The following TBCD variants were observed in gnomAD, a reference collection of about 807,000 sequenced individuals.
The protein encoded by TBCD is tubulin folding cofactor D.
In TBCD, 105 loss-of-function variants were observed where a neutral mutation model predicts 169.3. The observed-to-expected ratio is 0.62, with a 90% CI of 0.53 to 0.73. The LOEUF is 0.73. Ranked by LOEUF, TBCD falls within the 30% of genes least tolerant of loss-of-function variation. The pLI, the probability that TBCD is intolerant of heterozygous loss-of-function variation, is 0.00. For missense variants in TBCD, 1,444 were observed against 1,600.1 expected, an observed-to-expected ratio of 0.90 and a Z score of 1.66; for synonymous variants, 700 against 643.9, an observed-to-expected ratio of 1.09 and a Z score of -1.32.
intron 13 of TBCD, among the ~76,000 whole-genome samples, chr17:82,845,389 C>G (rs1022403974): frequency 6.6e-6 from 1 of 150,378 alleles, no homozygotes; most frequent in Non-Finnish European, 1.5e-5. Flanking sequence ...GCCCCTTCCT[C>G]TCCGTCCTGT....
chr17:82,810,260 C>T (rs985049888), intron 12 of TBCD, among the ~76,000 whole-genome samples: 5 of 152,178 alleles, frequency 3.3e-5, no homozygotes, highest in African/African-American at 1.2e-4. Context: ...AATTCAAGAC[C>T]AGCCTGGGCA....
intron 6 of TBCD, among the ~76,000 whole-genome samples, chr17:82,779,816 T>G (rs1426270315): frequency 6.6e-6 from 1 of 152,002 alleles, no homozygotes; most frequent in Non-Finnish European, 1.5e-5. Context: ...CAGCTCCAGC[T>G]TCCACGTCTC....
rs552115042 is a variant in TBCD at position 82,841,615 on chromosome 17, A to G, written c.1318+26681A>G. Among the ~76,000 whole-genome samples, 75 of 152,328 alleles carry G rather than the reference A, an allele frequency of 4.9e-4. 1 individual carries two copies. In the Middle Eastern group the frequency reaches 0.01, roughly 21 times the overall value. The stretch of plus-strand genomic sequence containing the variant: ...CAAAAAGAGTTATGTAAGTCTTATG[A>G]CAAAAAACAGCAGTTCCCTGTCCCT... On this transcript the variant is annotated intron_variant, in intron 13 of 38. Coordinates refer to ENST00000355528, the MANE Select transcript of TBCD (RefSeq NM_005993.5).
chr17:82,930,730 G>T lies in TBCD; in HGVS notation c.3113+87G>T, dbSNP rs777741578. 3.8e-5 allele frequency: 60 copies of T among 1,586,378 alleles called. No individual in the cohort carries two copies. Among genetic ancestry groups the T allele is most frequent in the Non-Finnish European group, 5.0e-5 (58 of 1,165,526 alleles). On this transcript the variant is annotated intron_variant, in intron 33 of 38. Coordinates refer to ENST00000355528, the MANE Select transcript of TBCD (RefSeq NM_005993.5). The surrounding 1 kb of genome is among the most constrained non-coding windows in gnomAD (Gnocchi z 5.2). ...CCACAGATTCCCGGGGTCTCGCAGGGTCTGTCTGGGGTCTGAAGGGAGAAG... is the reference window on the plus strand; with the variant it reads ...CCACAGATTCCCGGGGTCTCGCAGGTTCTGTCTGGGGTCTGAAGGGAGAAG...
At chr17:82,937,009 G>A (rs553873150) in intron 34 of TBCD, among the ~76,000 whole-genome samples, 36 of 152,284 alleles carry the variant, frequency 2.4e-4, no homozygotes, top group Middle Eastern at 3.4e-3. Flanking sequence ...GTGGGGCCCC[G>A]TGGGGGCTGC....
chr17:82,917,019 C>CTTTTTTTTTTTTTTTTTTTTTTTTT (rs59331670), intron 23 of TBCD, among the ~76,000 whole-genome samples: 1 of 108,518 alleles, frequency 9.2e-6, no homozygotes, highest in Non-Finnish European at 1.8e-5. Flanking sequence ...TTTTTCTTTT[C>CTTTTTTTTTTTTTTTTTTTTTTTTT]TTTTCTTTTT....
intron 13 of TBCD, chr17:82,838,684 G>C: frequency 1.0e-6 from 1 of 985,410 alleles, no homozygotes; most frequent in Non-Finnish European, 1.2e-6. Context: ...CAGCCTTTCG[G>C]TTCTTTAAAA....
chr17:82,827,907 A>T (rs193002408), intron 13 of TBCD, among the ~76,000 whole-genome samples: 1 of 130,482 alleles, frequency 7.7e-6, no homozygotes, highest in Non-Finnish European at 1.6e-5. Flanking sequence ...TCTAATGCAC[A>T]CACACCCCCA....
intron 34 of TBCD, among the ~76,000 whole-genome samples, chr17:82,934,765 C>T (rs1295276674): frequency 1.3e-5 from 2 of 152,082 alleles, no homozygotes; most frequent in African/African-American, 2.4e-5. Flanking sequence ...AGCCACCGTA[C>T]CTGGCCTAAA....
At chr17:82,876,744 T>C (rs765602833) in intron 14 of TBCD, among the ~76,000 whole-genome samples, 5 of 152,258 alleles carry the variant, frequency 3.3e-5, no homozygotes, top group Non-Finnish European at 5.9e-5. Context: ...CAGTAAAATA[T>C]ACACGCAACA....
intron 33 of TBCD, among the ~76,000 whole-genome samples, chr17:82,931,097 G>A (rs1181870233): frequency 6.6e-6 from 1 of 152,228 alleles, no homozygotes; most frequent in African/African-American, 2.4e-5. Flanking sequence ...TTTACATGGA[G>A]GCAGAGTATA....
Position 82,922,832 on chromosome 17 carries a change from G to C in TBCD, c.2179-820G>C, listed in dbSNP as rs1432904987. 6.6e-5 allele frequency among the ~76,000 whole-genome samples: 10 copies of C among 152,226 alleles called. No individual in the cohort carries two copies. Among genetic ancestry groups the C allele is most frequent in the Admixed American group, 2.0e-4 (3 of 15,290 alleles). Reference sequence around the variant, plus strand: ...TTCGGGGGAGCGGTGGAAAGAACACGTGGGTTTGGTGTTTGCCACTTGCTG... The same window carrying C: ...TTCGGGGGAGCGGTGGAAAGAACACCTGGGTTTGGTGTTTGCCACTTGCTG... On this transcript the variant is annotated intron_variant, in intron 25 of 38. Coordinates refer to ENST00000355528, the MANE Select transcript of TBCD (RefSeq NM_005993.5). The surrounding 1 kb of genome is among the most constrained non-coding windows in gnomAD (Gnocchi z 4.1).
At chr17:82,939,136 C>T (rs1453909068) in intron 36 of TBCD, 2 of 587,574 alleles carry the variant, frequency 3.4e-6, no homozygotes, top group Non-Finnish European at 3.0e-6. Context: ...GTCATCTTCA[C>T]TGCTGGGATC....
intron 1 of TBCD, 38 bp from the exon 2 acceptor site, chr17:82,756,127 C>T: frequency 6.4e-7 from 1 of 1,556,158 alleles, no homozygotes; most frequent in Non-Finnish European, 8.7e-7. Context: ...TATGTTTGGC[C>T]TAGTGATAAT....
intron 4 of TBCD, among the ~76,000 whole-genome samples, chr17:82,767,739 G>A (rs776148061): frequency 5.3e-5 from 8 of 152,094 alleles, no homozygotes; most frequent in Non-Finnish European, 1.0e-4. Flanking sequence ...GGCGGATCAC[G>A]AGGTCAGGAG....
chr17:82,836,184 C>T (rs756651079), intron 13 of TBCD, among the ~76,000 whole-genome samples: 4 of 152,266 alleles, frequency 2.6e-5, no homozygotes, highest in Non-Finnish European at 5.9e-5. Context: ...TTCCCTGCCT[C>T]CCTTCAGGAA....
intron 21 of TBCD, chr17:82,908,132 C>T (rs550802017): frequency 1.4e-5 from 6 of 415,048 alleles, no homozygotes; most frequent in African/African-American, 6.1e-5. Flanking sequence ...CTAGTGCAGT[C>T]GGTGGAGGTT....
intron 6 of TBCD, among the ~76,000 whole-genome samples, chr17:82,777,173 T>G (rs1338241056): frequency 6.6e-6 from 1 of 152,210 alleles, no homozygotes; most frequent in Non-Finnish European, 1.5e-5. Context: ...AAGTAGTCAT[T>G]TATATTTTTC....
chr17:82,870,622 T>C (rs1347337443), intron 14 of TBCD, among the ~76,000 whole-genome samples: 1 of 152,134 alleles, frequency 6.6e-6, no homozygotes, highest in Admixed American at 6.5e-5. Flanking sequence ...AGTGGATTCT[T>C]GGGCGCAGGT....
Sources: gnomAD v4.1 joint callset for allele counts (sites outside exome capture counted in the v4.1 genomes callset) on GRCh38, gnomAD v4.1.1 for gene constraint, Gnocchi (gnomAD v3.1) non-coding constraint, MANE v1.5 for transcripts, NCBI Gene and HGNC (gene_info 2026-07-23, HGNC 2026-07-21) for gene names.